SPATA16: variants seen among roughly 807,000 people sequenced by gnomAD.
SPATA16 encodes spermatogenesis associated 16.
Under a neutral mutation model 63.3 loss-of-function variants are expected in SPATA16, and 36 were observed. The ratio of observed to expected loss-of-function variants is 0.57; its 90% CI spans 0.44 to 0.75. SPATA16 has a LOEUF of 0.75. SPATA16 is among the 30% of genes least tolerant of loss of function. The probability of loss-of-function intolerance (pLI) is 0.00; values close to 1 mark genes in which losing one functional copy is unlikely to be tolerated. For missense variants in SPATA16, 646 were observed against 679.3 expected (o/e 0.95, Z 0.54); for synonymous variants, 203 against 216.7 (o/e 0.94, Z 0.56).
At chr3:173,031,859 A>G (rs1735615354) in intron 3 of SPATA16, among the ~76,000 whole-genome samples, 1 of 152,136 alleles carries the variant, frequency 6.6e-6, no homozygotes, top group Non-Finnish European at 1.5e-5. Flanking sequence ...TCAAGATAGA[A>G]AAATGGAATA....
At chr3:172,894,801 C>T (rs11924669) in intron 10 of SPATA16, among the ~76,000 whole-genome samples, 3,062 of 152,230 alleles carry the variant, frequency 0.02, 113 homozygotes, top group African/African-American at 0.071. Context: ...TTGCTCTGTC[C>T]ACCATGTGAA....
chr3:173,076,923 C>A (rs1050878359), intron 2 of SPATA16, among the ~76,000 whole-genome samples: 8 of 152,010 alleles, frequency 5.3e-5, no homozygotes, highest in African/African-American at 1.9e-4. Context: ...TCCTCAGAAC[C>A]TTTAGAGAGT....
chr3:173,066,596 C>T (rs1214389300), intron 2 of SPATA16, among the ~76,000 whole-genome samples: 1 of 152,166 alleles, frequency 6.6e-6, no homozygotes, highest in Non-Finnish European at 1.5e-5. Context: ...TAGTCCTGGG[C>T]TTAGGGCACT....
intron 3 of SPATA16, among the ~76,000 whole-genome samples, chr3:173,026,578 A>G (rs1735458772): frequency 6.6e-6 from 1 of 151,936 alleles, no homozygotes; most frequent in Non-Finnish European, 1.5e-5. Context: ...AACAGTTATA[A>G]ACTATTGGAG....
intron 6 of SPATA16, among the ~76,000 whole-genome samples, chr3:172,946,272 ACATTCCTAGCTGTGGTAGCC>A (rs1733285009): frequency 6.6e-6 from 1 of 152,240 alleles, no homozygotes; most frequent in African/African-American, 2.4e-5. Flanking sequence ...AGATGTGGCC[ACATTCCTAGCTGTGGTAGCC>A]ATGGGAAGAG....
intron 4 of SPATA16, among the ~76,000 whole-genome samples, chr3:172,994,829 C>T (rs1734660468): frequency 6.6e-6 from 1 of 152,054 alleles, no homozygotes; most frequent in Non-Finnish European, 1.5e-5. Flanking sequence ...GCATTGTATT[C>T]TGTGGGCATT....
Position 172,936,070 on chromosome 3 carries a change from T to C in SPATA16, c.1082-10578A>G, listed in dbSNP as rs1732986692. On this transcript the variant is annotated intron_variant, in intron 6 of 10. Transcript: ENST00000351008. ...ATGAGTGAGAGGTGGTGTGGTATCATAGAAAGATATTTGGTCTTTCTTCCT... is the reference window on the plus strand; with the variant it reads ...ATGAGTGAGAGGTGGTGTGGTATCACAGAAAGATATTTGGTCTTTCTTCCT... 1.3e-5 allele frequency among the ~76,000 whole-genome samples: 2 copies of C among 152,190 alleles called. 1 individual carries two copies. The highest frequency in any genetic ancestry group is 2.9e-5 in the Non-Finnish European group (2 of 68,032).
intron 2 of SPATA16, among the ~76,000 whole-genome samples, chr3:173,099,732 C>T (rs1460166156): frequency 6.6e-6 from 1 of 152,138 alleles, no homozygotes; most frequent in Non-Finnish European, 1.5e-5. Flanking sequence ...CACAGCACAT[C>T]TCCTTGTGAT....
intron 4 of SPATA16, among the ~76,000 whole-genome samples, chr3:173,012,724 T>C (rs1473652027): frequency 2.0e-5 from 3 of 152,206 alleles, no homozygotes; most frequent in African/African-American, 7.2e-5. Flanking sequence ...TGGCTAGCCA[T>C]ATGCAGAAGA....
intron 2 of SPATA16, among the ~76,000 whole-genome samples, chr3:173,083,263 A>G (rs931000495): frequency 6.6e-6 from 1 of 152,164 alleles, no homozygotes; most frequent in African/African-American, 2.4e-5. Flanking sequence ...ATACTTAGGA[A>G]GAAATTAATA....
At position 172,999,660 on chromosome 3, in the gene SPATA16, C is replaced by T. The variant is rs1050657042; in HGVS notation, c.848+19826G>A. On this transcript the variant is annotated intron_variant, in intron 4 of 10. Coordinates refer to ENST00000351008, the MANE Select transcript of SPATA16 (RefSeq NM_031955.6). ...AACTCCTGACCTCAGTTGATCCGCC[C>T]GCCTAGGCCTCCCAAAGTGCTGGGA... is the stretch of plus-strand genomic sequence containing the variant. 5.3e-5 allele frequency among the ~76,000 whole-genome samples: 8 copies of T among 152,104 alleles called. No homozygotes were observed. The East Asian group carries it at 5.8e-4, about 11-fold the overall frequency.
intron 10 of SPATA16, among the ~76,000 whole-genome samples, chr3:172,910,916 AG>A (rs1188069966): frequency 6.6e-6 from 1 of 152,228 alleles, no homozygotes; most frequent in Non-Finnish European, 1.5e-5. Context: ...ATGTGAACAT[AG>A]GTGCACTTTC....
At chr3:173,014,565 C>T (rs901370736) in intron 4 of SPATA16, among the ~76,000 whole-genome samples, 3 of 152,134 alleles carry the variant, frequency 2.0e-5, no homozygotes, top group Non-Finnish European at 4.4e-5. Context: ...TAAACCCGCA[C>T]ATGTATCCCA....
rs1577087363 is a variant in SPATA16 at position 172,914,921 on chromosome 3, G to A, written c.1504-1177C>T. Among the ~76,000 whole-genome samples the A allele has an allele frequency of 2.0e-5, 3 of 151,840 alleles. No homozygotes were observed. The East Asian group carries it at 5.8e-4, about 29-fold the overall frequency. ...TAGATGTGTGATTAAGAAGACTTAA[G>A]TGCAGAGAATTCCCCTGTATTTTTC... On this transcript the variant is annotated intron_variant, in intron 9 of 10. Transcript: ENST00000351008.
At chr3:172,941,530 T>A (rs1733147254) in intron 6 of SPATA16, among the ~76,000 whole-genome samples, 1 of 152,168 alleles carries the variant, frequency 6.6e-6, no homozygotes, top group African/African-American at 2.4e-5. Flanking sequence ...GACAGTGAAA[T>A]AATATCTTCA....
At chr3:173,132,560 C>T (rs1413160701) in intron 1 of SPATA16, among the ~76,000 whole-genome samples, 1 of 151,970 alleles carries the variant, frequency 6.6e-6, no homozygotes, top group African/African-American at 2.4e-5. Flanking sequence ...AGAATGGCAA[C>T]AATGATGCAA....
At chr3:173,036,482 TA>T (rs1476813460) in intron 3 of SPATA16, among the ~76,000 whole-genome samples, 2 of 152,028 alleles carry the variant, frequency 1.3e-5, no homozygotes, top group Non-Finnish European at 2.9e-5. Flanking sequence ...GACCAACAGG[TA>T]ATATTACTAA....
At chr3:173,084,943 G>T in intron 2 of SPATA16, among the ~76,000 whole-genome samples, 1 of 151,894 alleles carries the variant, frequency 6.6e-6, no homozygotes, top group East Asian at 1.9e-4. Context: ...GTTTGAAGTT[G>T]GATAGCGTGA....
intron 2 of SPATA16, among the ~76,000 whole-genome samples, chr3:173,087,204 G>A (rs1200670959): frequency 6.6e-6 from 1 of 152,144 alleles, no homozygotes; most frequent in African/African-American, 2.4e-5. Flanking sequence ...GAATCTGGGT[G>A]CTCCTGTATT....
Sources: allele counts gnomAD v4.1 joint callset (sites outside exome capture counted in the v4.1 genomes callset), GRCh38; gene constraint gnomAD v4.1.1; transcripts MANE v1.5; gene names NCBI Gene and HGNC (gene_info 2026-07-23, HGNC 2026-07-21).